The following SOS2 variants were observed in gnomAD, a reference collection of about 807,000 sequenced individuals.
The protein encoded by SOS2 is son of sevenless homolog 2.
In SOS2, 65 loss-of-function variants were observed where a neutral mutation model predicts 148.2. That is an observed-to-expected ratio of 0.44 (90% CI 0.36 to 0.54). The LOEUF (loss-of-function observed/expected upper bound fraction) is 0.54, where lower values mean the gene tolerates loss of function less well. Ranked by LOEUF, SOS2 falls within the 20% of genes least tolerant of loss-of-function variation. The pLI is 0.00. For missense variants in SOS2, 1,341 were observed against 1,590.2 expected, an observed-to-expected ratio of 0.84 and a Z score of 2.67; for synonymous variants, 539 against 537.1, an observed-to-expected ratio of 1.00 and a Z score of -0.05.
intron 7 of SOS2, 37 bp downstream of exon 7, chr14:50,180,532 TTAA>T (rs776330778): frequency 0.046 from 21,092 of 461,366 alleles, 627 homozygotes; most frequent in Middle Eastern, 0.056. Context: ...ATTTGCTTTA[TTAA>T]AAAAAAAAAA....
At chr14:50,174,381 T>C (rs572823245) in intron 8 of SOS2, 73 bp downstream of exon 8, 17 of 638,562 alleles carry the variant, frequency 2.7e-5, no homozygotes, top group Middle Eastern at 2.8e-4. Flanking sequence ...GTACTGTGTG[T>C]CTCCAAAATT....
rs5808541 is a variant in SOS2, at chr14:50,187,345, CT to C, written c.714+1151del. 3.2e-3 allele frequency among the ~76,000 whole-genome samples: 363 copies of C among 115,158 alleles called. 2 individuals carry two copies. Among genetic ancestry groups the C allele is most frequent in the African/African-American group, 6.5e-3 (204 of 31,552 alleles). The allele number at this position is 115,158 out of a possible 152,430, so 75.5% of individuals were successfully genotyped here. On this transcript the variant is annotated intron_variant, in intron 5 of 22. Transcript: ENST00000216373. ...ATTATTATTATTATTATTATTGTTA[CT>C]TTTTTTTTTTTTTTTTTTTGAGAAG...
At chr14:50,177,625 T>C (rs1035645284) in intron 7 of SOS2, among the ~76,000 whole-genome samples, 1 of 152,176 alleles carries the variant, frequency 6.6e-6, no homozygotes, top group Non-Finnish European at 1.5e-5. Context: ...TCTTATAGAC[T>C]GTGTATTTAA....
In SOS2 at chr14:50,201,002, C is replaced by A; in HGVS notation, c.296G>T (p.Arg99Leu). The change falls in exon 3 of 23, where the codon CGA becomes CTA. Residue 99 changes from arginine to leucine, a missense_variant. Transcript: ENST00000216373. ...CACAGGCAGTAAAAGAGGATTTCTT[C>A]GTTTTCGTTTTTCTATAGCAGATTG... ...DAQSAIEKRK[R>L]RNPLLLPVDK... 1 of 1,613,872 alleles carries A rather than the reference C, an allele frequency of 6.2e-7. No homozygotes were observed. Among genetic ancestry groups the A allele is most frequent in the African/African-American group, 1.3e-5 (1 of 75,010 alleles).
Position 50,118,479 on chromosome 14 carries a change from T to C in SOS2, c.3864A>G (p.Pro1288=). The C allele has an allele frequency of 6.2e-7, 1 of 1,614,052 alleles. No homozygotes were observed. The highest frequency in any genetic ancestry group is 2.2e-5 in the East Asian group (1 of 44,884). ...TCTGCCTTGGTGGAACAGGGGGAGC[T>C]GGAGGATGAGCAAGATTATTCTGAC... is the stretch of plus-strand genomic sequence containing the variant. The part of the protein sequence containing the change: ...SSSQNNLAHP[P]APPVPPRQNS... The change falls in exon 23 of 23, where the codon CCA becomes CCG. Residue 1288 remains proline (P), a synonymous_variant. Coordinates refer to ENST00000216373, the MANE Select transcript of SOS2 (RefSeq NM_006939.4).
At chr14:50,185,317 T>C (rs956803757) in intron 5 of SOS2, among the ~76,000 whole-genome samples, 1 of 152,152 alleles carries the variant, frequency 6.6e-6, no homozygotes, top group Non-Finnish European at 1.5e-5. Flanking sequence ...ACCTAGTTGG[T>C]GTACACAGGA....
intron 2 of SOS2, among the ~76,000 whole-genome samples, chr14:50,202,112 A>G (rs1886511205): frequency 6.6e-6 from 1 of 151,910 alleles, no homozygotes; most frequent in Non-Finnish European, 1.5e-5. Flanking sequence ...ACAAGCACAT[A>G]CCCCTACTCT....
intron 1 of SOS2, among the ~76,000 whole-genome samples, chr14:50,223,751 G>A (rs149841275): frequency 6.6e-6 from 1 of 152,088 alleles, no homozygotes; most frequent in East Asian, 1.9e-4. Flanking sequence ...GGCGGCAGGG[G>A]GGTGAGGTGG....
chr14:50,156,274 A>ACACACACACACACG (rs1884817128), intron 12 of SOS2: 1 of 150,048 alleles, frequency 6.7e-6, no homozygotes, highest in African/African-American at 2.4e-5. Flanking sequence ...ACACACACAC[A>ACACACACACACACG]CACACACGCA....
chr14:50,203,969 T>A (rs541289414), intron 2 of SOS2, among the ~76,000 whole-genome samples: 9 of 152,296 alleles, frequency 5.9e-5, no homozygotes, highest in African/African-American at 2.2e-4. Flanking sequence ...AATTTTCTTC[T>A]AGAAACCTTG....
intron 14 of SOS2, among the ~76,000 whole-genome samples, chr14:50,147,042 C>CA (rs71118846): frequency 0.34 from 48,847 of 145,540 alleles, 8,387 homozygotes; most frequent in Non-Finnish European, 0.41. Context: ...AAAAATAAAA[C>CA]AAAAAAAAAA....
chr14:50,144,001 G>A (rs992314420), intron 16 of SOS2, among the ~76,000 whole-genome samples: 6 of 151,784 alleles, frequency 4.0e-5, no homozygotes, highest in African/African-American at 9.7e-5. Flanking sequence ...GGCATTTATC[G>A]TATCCTGCTA....
chr14:50,122,144 C>T (rs75010987), intron 21 of SOS2, among the ~76,000 whole-genome samples: 3,995 of 152,152 alleles, frequency 0.026, 173 homozygotes, highest in African/African-American at 0.09. Context: ...AGGCATGTAA[C>T]CTAATTCAGA....
chr14:50,212,637 A>C (rs1566482671), intron 1 of SOS2, among the ~76,000 whole-genome samples: 1 of 152,240 alleles, frequency 6.6e-6, no homozygotes, highest in Non-Finnish European at 1.5e-5. Flanking sequence ...TATATGTTAC[A>C]CTTCACCATA....
At chr14:50,141,400 A>G (rs1884279501) in intron 16 of SOS2, among the ~76,000 whole-genome samples, 1 of 151,698 alleles carries the variant, frequency 6.6e-6, no homozygotes, top group Non-Finnish European at 1.5e-5. Flanking sequence ...ACGTGCCTAT[A>G]GTCCCCACTA....
chr14:50,187,685 A>G (rs1328381212), intron 5 of SOS2, among the ~76,000 whole-genome samples: 1 of 152,232 alleles, frequency 6.6e-6, no homozygotes, highest in African/African-American at 2.4e-5. Flanking sequence ...CCAAACACAT[A>G]GACATGGAAA....
intron 5 of SOS2, among the ~76,000 whole-genome samples, chr14:50,186,939 T>C (rs971238162): frequency 1.3e-5 from 2 of 152,238 alleles, no homozygotes; most frequent in Non-Finnish European, 2.9e-5. Flanking sequence ...TGTGTCTGAG[T>C]GTCACTCTTA....
intron 10 of SOS2, among the ~76,000 whole-genome samples, chr14:50,159,077 C>A (rs1884912839): frequency 6.6e-6 from 1 of 151,882 alleles, no homozygotes; most frequent in African/African-American, 2.4e-5. Context: ...ATAGTCCCAG[C>A]TACTCGGGAG....
At chr14:50,182,632 A>C in intron 5 of SOS2, 26 bp from the exon 6 acceptor site, 1 of 1,578,880 alleles carries the variant, frequency 6.3e-7, no homozygotes, top group Non-Finnish European at 8.7e-7. Context: ...GAAGGTTAAG[A>C]AATGTGAGAT....
Sources: allele counts gnomAD v4.1 joint callset (sites outside exome capture counted in the v4.1 genomes callset), GRCh38; gene constraint gnomAD v4.1.1; transcripts MANE v1.5; gene names NCBI Gene and HGNC (gene_info 2026-07-23, HGNC 2026-07-21).